Variants in TRPV2 observed in about 807,000 individuals in gnomAD.
TRPV2 encodes the protein transient receptor potential cation channel subfamily V member 2.
Under a neutral mutation model 91.0 loss-of-function variants are expected in TRPV2, and 58 were observed. The observed-to-expected ratio is 0.64, with a 90% CI of 0.52 to 0.79. TRPV2 has a LOEUF of 0.79. Ranked by LOEUF, TRPV2 falls within the 30% of genes least tolerant of loss-of-function variation. TRPV2 has a pLI of 0.00. For synonymous variants in TRPV2, 417 were observed against 414.8 expected (o/e 1.01, Z -0.06); for missense variants, 807 against 969.6 (o/e 0.83, Z 2.23).
At chr17:16,428,537 C>A in intron 9 of TRPV2, 150 bp downstream of exon 9, 1 of 901,846 alleles carries the variant, frequency 1.1e-6, no homozygotes, top group Non-Finnish European at 1.8e-6. Flanking sequence ...GGAGTCTGGG[C>A]TGCCGTCCAG....
In TRPV2 at chr17:16,436,776, C is replaced by T. The variant is rs375144432; in HGVS notation, c.2195-13C>T. On this transcript the variant is annotated splice_polypyrimidine_tract_variant and intron_variant, in intron 14 of 14. Transcript: ENST00000338560. Reference sequence around the variant, plus strand: ...TCAAGGGTTAAGCTACAGTGCTTGCCATCTGTTTACAGGAACTCTCGAGAA... The same window carrying T: ...TCAAGGGTTAAGCTACAGTGCTTGCTATCTGTTTACAGGAACTCTCGAGAA... 7 of 1,599,486 alleles carry T rather than the reference C, an allele frequency of 4.4e-6. No individual in the cohort carries two copies. The African/African-American group carries it at 6.7e-5, about 15-fold the overall frequency.
intron 13 of TRPV2, 133 bp downstream of exon 13, chr17:16,433,831 G>C (rs2093423985): frequency 7.5e-7 from 1 of 1,327,738 alleles, no homozygotes; most frequent in Non-Finnish European, 1.0e-6. Flanking sequence ...ACCAGGGACT[G>C]AGCCTGAGCA....
At position 16,422,183 on chromosome 17, in the gene TRPV2, T is replaced by C. The variant is rs376845388; in HGVS notation, c.335-416T>C. On this transcript the variant is annotated intron_variant, in intron 3 of 14. Transcript: ENST00000338560. The stretch of plus-strand genomic sequence containing the variant: ...AAAACAACAAAAAAAATTAGCCGGG[T>C]GTGGCGGTGTGCGCCTGTGGTCCCA... Among the ~76,000 whole-genome samples the C allele has an allele frequency of 3.5e-3, 524 of 150,790 alleles. 2 individuals are homozygous for C. The highest frequency in any genetic ancestry group is 0.012 in the African/African-American group (483 of 41,182).
chr17:16,420,055 G>A (rs2093348980), intron 2 of TRPV2, 60 bp from the exon 3 acceptor site: 1 of 1,581,592 alleles, frequency 6.3e-7, no homozygotes, highest in South Asian at 1.2e-5. Flanking sequence ...TGGGATGGAG[G>A]GCTTTTGGGG....
intron 2 of TRPV2, 37 bp from the exon 3 acceptor site, chr17:16,420,078 C>T (rs1392619803): frequency 6.3e-7 from 1 of 1,597,958 alleles, no homozygotes. Flanking sequence ...GCCTGTGGTT[C>T]TTCTCCAGCA....
rs112697098 is a variant in TRPV2 at position 16,432,161 on chromosome 17, A to G, written c.1850A>G (p.His617Arg). 1.9e-6 allele frequency: 3 copies of G among 1,614,232 alleles called. No individual in the cohort carries two copies. Among genetic ancestry groups the G allele is most frequent in the South Asian group, 2.2e-5 (2 of 91,086 alleles). ...GAGCTGGCCTTCCAGGAGCAGCTGC[A>G]CTTCCGCGGCATGGTGCTGCTGCTG... is the stretch of plus-strand genomic sequence containing the variant. Reference protein sequence around the residue: ...MGELAFQEQLHFRGMVLLLLL... With the variant: ...MGELAFQEQLRFRGMVLLLLL... The change falls in exon 12 of 15, where the codon CAC becomes CGC. Residue 617 changes from histidine to arginine, a missense_variant. Transcript: ENST00000338560.
chr17:16,428,478 C>A, intron 9 of TRPV2, 91 bp downstream of exon 9: 2 of 1,368,160 alleles, frequency 1.5e-6, no homozygotes, highest in South Asian at 1.2e-5. Flanking sequence ...GCTTTAGAGG[C>A]GAGGACACGG....
At chr17:16,420,062 G>A (rs2093349033) in intron 2 of TRPV2, 53 bp from the exon 3 acceptor site, 5 of 1,586,324 alleles carry the variant, frequency 3.2e-6, no homozygotes, top group Admixed American at 1.7e-5. Flanking sequence ...GAGGGCTTTT[G>A]GGGGGGCCTG....
In TRPV2 at chr17:16,428,844, G is replaced by C; in HGVS notation, c.1449G>C (p.Val483=). 3.7e-6 allele frequency: 6 copies of C among 1,613,792 alleles called. No homozygotes were observed. The highest frequency in any genetic ancestry group is 4.2e-6 in the Non-Finnish European group (5 of 1,180,016). The change falls in exon 10 of 15, where the codon GTG becomes GTC. Residue 483 remains valine, a synonymous_variant. Coordinates refer to ENST00000338560, the MANE Select transcript of TRPV2 (RefSeq NM_016113.5). ...TGTTCCAGGCCCTGCTCACAGTGGT[G>C]TCCCAGGTGCTGTGTTTCCTGGCCA... ...LFLFQALLTV[V]SQVLCFLAIE...
chr17:16,427,280 A>G (rs1351572324), intron 7 of TRPV2, among the ~76,000 whole-genome samples, 169 bp from the exon 8 acceptor site: 1 of 152,062 alleles, frequency 6.6e-6, no homozygotes, highest in Non-Finnish European at 1.5e-5. Flanking sequence ...ATGCTACACA[A>G]TGTGCCTCTC....
chr17:16,428,481 G>A, intron 9 of TRPV2, 94 bp downstream of exon 9: 2 of 1,327,848 alleles, frequency 1.5e-6, no homozygotes, highest in African/African-American at 1.4e-5. Flanking sequence ...TTAGAGGCGA[G>A]GACACGGGGC....
In TRPV2 at chr17:16,432,064, G is replaced by A; in HGVS notation, c.1753G>A (p.Gly585Ser). The A allele has an allele frequency of 1.2e-6, 2 of 1,613,948 alleles. No individual in the cohort carries two copies. The highest frequency in any genetic ancestry group is 8.5e-7 in the Non-Finnish European group (1 of 1,179,840). ...GCCCATGGAGGGACAGGAGGACGAGGGCAACGGGGCCCAGTACAGGGGTAT... is the reference window on the plus strand; with the variant it reads ...GCCCATGGAGGGACAGGAGGACGAGAGCAACGGGGCCCAGTACAGGGGTAT... ...VQPMEGQEDEGNGAQYRGILE... is the reference protein window; with the variant it reads ...VQPMEGQEDESNGAQYRGILE... Residue 585 changes from glycine (G) to serine (S), a missense_variant, in exon 12 of 15, where the codon GGC becomes AGC. Coordinates refer to ENST00000338560, the MANE Select transcript of TRPV2 (RefSeq NM_016113.5).
chr17:16,417,547 T>C lies in TRPV2; in HGVS notation c.-107-15T>C. 9.5e-7 allele frequency: 1 copy of C among 1,053,618 alleles called. No homozygotes were observed. The highest frequency in any genetic ancestry group is 1.5e-5 in the South Asian group (1 of 67,400). The allele number at this position is 1,053,618 out of a possible 1,614,324, so 65.3% of individuals were successfully genotyped here. On this transcript the variant is annotated splice_polypyrimidine_tract_variant and intron_variant, in intron 1 of 14. Transcript: ENST00000338560. The stretch of plus-strand genomic sequence containing the variant: ...CGCCCAGCCTTTTGCACTAACCTAA[T>C]ACCTCCTTTTGCAGGCTCCAGTCAG...
At chr17:16,416,634 T>C (rs969267606) in intron 1 of TRPV2, 1 of 152,398 alleles carries the variant, frequency 6.6e-6, no homozygotes, top group African/African-American at 2.4e-5. Flanking sequence ...AAGGTAGTAT[T>C]CGATGCCTTC....
chr17:16,423,038 A>C, intron 4 of TRPV2, 149 bp downstream of exon 4: 1 of 1,030,046 alleles, frequency 9.7e-7, no homozygotes, highest in Non-Finnish European at 1.4e-6. Flanking sequence ...TGCCTGCAAA[A>C]GCAGTTTGTC....
chr17:16,418,327 G>A (rs1295595499), intron 2 of TRPV2, among the ~76,000 whole-genome samples: 1 of 152,072 alleles, frequency 6.6e-6, no homozygotes, highest in Non-Finnish European at 1.5e-5. Context: ...GGGATGACAG[G>A]CTTCTGCTTG....
rs752609196 is a variant in TRPV2, at chr17:16,426,826, C to T, written c.1200C>T (p.Ile400=). ...TCTTAAACTTCCTGTGTAATCTGAT[C>T]TACATGTTCATCTTCACCGCTGTTG... ...KFFLNFLCNL[I]YMFIFTAVAY... The change falls in exon 7 of 15, where the codon ATC becomes ATT. Residue 400 remains isoleucine, a synonymous_variant. Transcript: ENST00000338560. This position sits in a 1 kb window ranked among gnomAD's most constrained non-coding sequence, Gnocchi z 6.0. 5.6e-6 allele frequency: 9 copies of T among 1,613,946 alleles called. No individual in the cohort carries two copies. The highest frequency in any genetic ancestry group is 7.6e-6 in the Non-Finnish European group (9 of 1,179,982).
intron 8 of TRPV2, 65 bp downstream of exon 8, chr17:16,427,612 G>T: frequency 6.8e-7 from 1 of 1,475,770 alleles, no homozygotes; most frequent in Non-Finnish European, 9.3e-7. Context: ...GGGGCTTAGA[G>T]AAAGTTAGCT....
rs1277728688 is a variant in TRPV2 at position 16,435,100 on chromosome 17, G to A, written c.2194+131G>A. 4.8e-6 allele frequency: 3 copies of A among 626,714 alleles called. No individual in the cohort carries two copies. Among genetic ancestry groups the A allele is most frequent in the East Asian group, 6.7e-5 (2 of 29,832 alleles). The allele number at this position is 626,714 out of a possible 1,614,324, so 38.8% of individuals were successfully genotyped here. A position where few individuals can be genotyped will look rare whatever the true frequency, so the allele number is the denominator to read the frequency against. Reference sequence around the variant, plus strand: ...TCCCTTTGCAGATCCCCACATGCCAGCTCCTCTTAGAGGGATTGCCTCCTT... The same window carrying A: ...TCCCTTTGCAGATCCCCACATGCCAACTCCTCTTAGAGGGATTGCCTCCTT... On this transcript the variant is annotated intron_variant, in intron 14 of 14. Coordinates refer to ENST00000338560, the MANE Select transcript of TRPV2 (RefSeq NM_016113.5). The surrounding 1 kb of genome is among the most constrained non-coding windows in gnomAD (Gnocchi z 4.2).
Sources: gnomAD v4.1 joint callset for allele counts (sites outside exome capture counted in the v4.1 genomes callset) on GRCh38, gnomAD v4.1.1 for gene constraint, Gnocchi (gnomAD v3.1) non-coding constraint, MANE v1.5 for transcripts, NCBI Gene and HGNC (gene_info 2026-07-23, HGNC 2026-07-21) for gene names.